The following STEAP3 variants were observed in gnomAD, a reference collection of about 807,000 sequenced individuals.
STEAP3 encodes the protein metalloreductase STEAP3.
Under a neutral mutation model 34.9 loss-of-function variants are expected in STEAP3, and 35 were observed. That is an observed-to-expected ratio of 1.00 (90% CI 0.76 to 1.33). The LOEUF (loss-of-function observed/expected upper bound fraction) is 1.33. STEAP3 is among the 40% of genes most tolerant of loss of function. The pLI is 0.00. For missense variants in STEAP3, 652 were observed against 667.6 expected, an observed-to-expected ratio of 0.98 and a Z score of 0.26; for synonymous variants, 281 against 301.6, an observed-to-expected ratio of 0.93 and a Z score of 0.71.
intron 4 of STEAP3, among the ~76,000 whole-genome samples, chr2:119,251,008 G>A (rs1386853926): frequency 6.6e-6 from 1 of 152,178 alleles, no homozygotes; most frequent in Non-Finnish European, 1.5e-5. Flanking sequence ...TCGGAGGGAG[G>A]CAGGGGCTTG....
chr2:119,242,534 G>A (rs940712781), intron 2 of STEAP3, among the ~76,000 whole-genome samples: 3 of 152,180 alleles, frequency 2.0e-5, no homozygotes, highest in African/African-American at 4.8e-5. Context: ...CTCCTTCCCC[G>A]GGGCTGAAGG....
At chr2:119,224,439 G>A (rs1678973259) in intron 1 of STEAP3, among the ~76,000 whole-genome samples, 1 of 152,152 alleles carries the variant, frequency 6.6e-6, no homozygotes, top group Non-Finnish European at 1.5e-5. Flanking sequence ...GCCTCTGCCC[G>A]CGGAGCCCTT....
chr2:119,256,632 C>T (rs970631286), intron 5 of STEAP3, among the ~76,000 whole-genome samples: 1 of 152,210 alleles, frequency 6.6e-6, no homozygotes, highest in African/African-American at 2.4e-5. Flanking sequence ...ACAAATAGGA[C>T]AGTCCTTTTG....
In STEAP3 at chr2:119,241,437, T is replaced by C. The variant is rs532430834; in HGVS notation, c.23-4052T>C. On this transcript the variant is annotated intron_variant, in intron 2 of 5. Coordinates refer to ENST00000393110, the MANE Select transcript of STEAP3 (RefSeq NM_182915.3). ...GCAGCATTACAACCTGGCATTTTCC[T>C]GTTGCAGACTGCATTTTGGTGGCAA... Among the ~76,000 whole-genome samples the C allele has an allele frequency of 2.0e-5, 3 of 152,382 alleles. No individual in the cohort carries two copies. The South Asian group carries it at 6.2e-4, about 32-fold the overall frequency.
chr2:119,230,503 C>G (rs1012015929), intron 1 of STEAP3, 117 bp from the exon 2 acceptor site: 11 of 162,972 alleles, frequency 6.7e-5, no homozygotes, highest in Admixed American at 2.3e-4. Flanking sequence ...ATAAATTTCC[C>G]CCACAGAAAT....
chr2:119,247,288 C>T (rs987043193), intron 3 of STEAP3, among the ~76,000 whole-genome samples: 4 of 152,188 alleles, frequency 2.6e-5, no homozygotes, highest in Admixed American at 6.5e-5. Flanking sequence ...CTGCACCATA[C>T]GCAAAACTCT....
At chr2:119,258,601 T>C (rs1420429725) in intron 5 of STEAP3, among the ~76,000 whole-genome samples, 2 of 63,206 alleles carry the variant, frequency 3.2e-5, no homozygotes, top group Admixed American at 2.6e-4. Flanking sequence ...TTGGGTATTT[T>C]TTTTTTTTTT....
chr2:119,233,752 G>A (rs1048732311), intron 2 of STEAP3, among the ~76,000 whole-genome samples: 5 of 152,208 alleles, frequency 3.3e-5, no homozygotes, highest in Middle Eastern at 3.2e-3. Context: ...GTCCCAGAGC[G>A]TGAAGTCCTC....
chr2:119,248,181 A>ACCTGGT lies in STEAP3; in HGVS notation c.1027_1032dup (p.Leu343_Val344dup), dbSNP rs1160403792. The ACCTGGT allele has an allele frequency of 6.3e-7, 1 of 1,591,738 alleles. No individual in the cohort carries two copies. Among genetic ancestry groups the ACCTGGT allele is most frequent in the African/African-American group, 1.3e-5 (1 of 74,578 alleles). On this transcript the variant is annotated inframe_insertion, in exon 4 of 6. Coordinates refer to ENST00000393110, the MANE Select transcript of STEAP3 (RefSeq NM_182915.3). ...CCGCTGCGCCGCGCCCACCGCTACG[A>ACCTGGT]CCTGGTCAACCTGGCAGTCAAGCAG...
intron 3 of STEAP3, 95 bp from the exon 4 acceptor site, chr2:119,247,584 C>G: frequency 1.5e-6 from 2 of 1,369,482 alleles, no homozygotes; most frequent in South Asian, 1.5e-5. Flanking sequence ...CAAGTCCCTG[C>G]CCCTCTGGCC....
intron 4 of STEAP3, among the ~76,000 whole-genome samples, chr2:119,253,841 T>C (rs1677695629): frequency 6.6e-6 from 1 of 152,056 alleles, no homozygotes; most frequent in Non-Finnish European, 1.5e-5. Flanking sequence ...CCCAGATCTC[T>C]GTGAGGGCAG....
intron 5 of STEAP3, among the ~76,000 whole-genome samples, chr2:119,260,850 C>T (rs1281367068): frequency 2.0e-5 from 3 of 152,172 alleles, no homozygotes; most frequent in African/African-American, 4.8e-5. Flanking sequence ...GTGGCTTCCT[C>T]ACTCTTCGTG....
At chr2:119,238,665 G>A (rs926660881) in intron 2 of STEAP3, among the ~76,000 whole-genome samples, 1 of 152,210 alleles carries the variant, frequency 6.6e-6, no homozygotes, top group East Asian at 1.9e-4. Context: ...GAGGTGAGCA[G>A]GCAGACAGAC....
chr2:119,257,588 A>G (rs111712266), intron 5 of STEAP3: 106,645 of 1,538,056 alleles, frequency 0.069, 4,050 homozygotes, highest in Middle Eastern at 0.11. Flanking sequence ...TCTGCTGCTC[A>G]CTTGTGCCTG....
chr2:119,255,677 T>C lies in STEAP3; in HGVS notation c.1215+829T>C, dbSNP rs1254221782. On this transcript the variant is annotated intron_variant, in intron 5 of 5. Transcript: ENST00000393110. ...GCTGAGGTGGGAGAATCACTTGAGCTTGAGCGATTCTTCCAGGAGTTAGAA... is the reference window on the plus strand; with the variant it reads ...GCTGAGGTGGGAGAATCACTTGAGCCTGAGCGATTCTTCCAGGAGTTAGAA... 6.6e-5 allele frequency among the ~76,000 whole-genome samples: 10 copies of C among 152,084 alleles called. No individual in the cohort carries two copies. The East Asian group carries it at 1.9e-3, about 29-fold the overall frequency.
intron 5 of STEAP3, among the ~76,000 whole-genome samples, chr2:119,262,580 G>A (rs1281111793): frequency 1.3e-5 from 2 of 152,100 alleles, no homozygotes; most frequent in African/African-American, 4.8e-5. Flanking sequence ...GTCTCACTAT[G>A]TTGCCCAGGG....
chr2:119,241,969 T>TG (rs1677260283), intron 2 of STEAP3, among the ~76,000 whole-genome samples: 2 of 152,212 alleles, frequency 1.3e-5, no homozygotes, highest in African/African-American at 4.8e-5. Context: ...GGCTGCCCCC[T>TG]GGGCAAGAGC....
At chr2:119,251,574 G>A (rs1416173114) in intron 4 of STEAP3, among the ~76,000 whole-genome samples, 1 of 152,052 alleles carries the variant, frequency 6.6e-6, no homozygotes, top group Non-Finnish European at 1.5e-5. Flanking sequence ...TTCACCCCAA[G>A]CTACATCTGC....
At position 119,248,212 on chromosome 2, in the gene STEAP3, C is replaced by T; in HGVS notation, c.1050+6C>T. On this transcript the variant is annotated splice_donor_region_variant and intron_variant, in intron 4 of 5. Transcript: ENST00000393110. The stretch of plus-strand genomic sequence containing the variant: ...TCAACCTGGCAGTCAAGCAGGTACC[C>T]ACCCCATGCCCTTCCTCCCTCTGGC... The T allele has an allele frequency of 6.4e-7, 1 of 1,567,588 alleles. No homozygotes were observed.
Sources: allele counts gnomAD v4.1 joint callset (sites outside exome capture counted in the v4.1 genomes callset), GRCh38; gene constraint gnomAD v4.1.1; transcripts MANE v1.5; gene names NCBI Gene and HGNC (gene_info 2026-07-23, HGNC 2026-07-21).